Variants in LRP1B observed in about 807,000 individuals in gnomAD.
LRP1B encodes low-density lipoprotein receptor-related protein 1B.
A neutral mutation model predicts 556.6 loss-of-function variants in LRP1B; 217 were observed. That is an observed-to-expected ratio of 0.39 (90% CI 0.35 to 0.44). The LOEUF (loss-of-function observed/expected upper bound fraction) is 0.44. Among genes scored for constraint, LRP1B ranks in the 20% least tolerant of loss-of-function variants. The probability of loss-of-function intolerance (pLI) is 1.00; values close to 1 mark genes in which losing one functional copy is unlikely to be tolerated. For missense variants in LRP1B, 5,053 were observed against 5,620.8 expected (o/e 0.90, Z 3.23); for synonymous variants, 2,047 against 1,865.8 (o/e 1.10, Z -2.50).
intron 3 of LRP1B, among the ~76,000 whole-genome samples, chr2:141,422,813 T>C (rs1216227053): frequency 6.6e-6 from 1 of 152,206 alleles, no homozygotes; most frequent in African/African-American, 2.4e-5. Flanking sequence ...TATTTTTCTA[T>C]CTTTCAAGGG....
At chr2:141,914,850 T>C (rs1160225315) in intron 1 of LRP1B, among the ~76,000 whole-genome samples, 1 of 152,104 alleles carries the variant, frequency 6.6e-6, no homozygotes, top group Admixed American at 6.6e-5. Flanking sequence ...AAATCATAGA[T>C]GACACGCAAA....
intron 2 of LRP1B, among the ~76,000 whole-genome samples, chr2:141,613,479 C>T (rs1423289571): frequency 1.6e-4 from 25 of 151,994 alleles, no homozygotes; most frequent in Admixed American, 7.2e-4. Context: ...ATAATTAATC[C>T]GTATGGATTT....
chr2:141,403,787 C>A (rs1337284528), intron 3 of LRP1B, among the ~76,000 whole-genome samples: 3 of 152,074 alleles, frequency 2.0e-5, no homozygotes, highest in African/African-American at 7.2e-5. Flanking sequence ...TCAGGTAATT[C>A]CAAGCTCATT....
intron 66 of LRP1B, among the ~76,000 whole-genome samples, chr2:140,403,758 G>A (rs1349133242): frequency 6.6e-6 from 1 of 152,130 alleles, no homozygotes; most frequent in Non-Finnish European, 1.5e-5. Context: ...AGATATTCAA[G>A]TACAAGGAGT....
intron 1 of LRP1B, among the ~76,000 whole-genome samples, chr2:141,949,635 G>A (rs541148586): frequency 6.6e-6 from 1 of 152,208 alleles, no homozygotes; most frequent in African/African-American, 2.4e-5. Flanking sequence ...TGACCCACCC[G>A]CCTTGGCCTC....
At position 140,232,449 on chromosome 2, in the gene LRP1B, C is replaced by A. The variant is rs1035266429; in HGVS notation, c.*737G>T. The A allele has an allele frequency of 1.3e-5, 2 of 151,672 alleles. No homozygotes were observed. The highest frequency in any genetic ancestry group is 4.8e-5 in the African/African-American group (2 of 41,394). 9.4% of individuals were successfully genotyped at this position (151,672 alleles called of 1,614,324 possible). A position where few individuals can be genotyped will look rare whatever the true frequency, so the allele number is the denominator to read the frequency against. On this transcript the variant is annotated 3_prime_UTR_variant, in exon 91 of 91. Transcript: ENST00000389484. ...GGTCTTATTCCATAGCAAGTGCAGT[C>A]GGCCAACTTTCGGTTATATTTTTGC...
intron 1 of LRP1B, among the ~76,000 whole-genome samples, chr2:142,022,827 C>A (rs114077923): frequency 6.6e-6 from 1 of 152,070 alleles, no homozygotes; most frequent in Non-Finnish European, 1.5e-5. Context: ...CGTGCCATCA[C>A]GCCCGGCTAA....
At chr2:142,014,050 A>T (rs887311771) in intron 1 of LRP1B, among the ~76,000 whole-genome samples, 7 of 152,170 alleles carry the variant, frequency 4.6e-5, no homozygotes, top group Non-Finnish European at 1.0e-4. Context: ...CCTTTATCAC[A>T]AACCCTTGCA....
At chr2:141,452,777 G>C (rs866606280) in intron 3 of LRP1B, among the ~76,000 whole-genome samples, 5 of 152,144 alleles carry the variant, frequency 3.3e-5, no homozygotes, top group African/African-American at 1.2e-4. Flanking sequence ...ACACTTGTTG[G>C]TTCTCCCAGG....
chr2:142,027,573 G>A (rs576725374), intron 1 of LRP1B, among the ~76,000 whole-genome samples: 7 of 151,544 alleles, frequency 4.6e-5, no homozygotes, highest in African/African-American at 1.7e-4. Flanking sequence ...TATGTGCCAG[G>A]CCCTGTTCTA....
chr2:140,888,273 G>C (rs1380715288), intron 23 of LRP1B, among the ~76,000 whole-genome samples: 1 of 151,950 alleles, frequency 6.6e-6, no homozygotes, highest in Non-Finnish European at 1.5e-5. Flanking sequence ...ATTTGAGTTA[G>C]TTGAATAGAG....
chr2:140,903,777 A>G (rs969751218), intron 22 of LRP1B, among the ~76,000 whole-genome samples: 1 of 151,718 alleles, frequency 6.6e-6, no homozygotes, highest in African/African-American at 2.4e-5. Context: ...GATTCATTCA[A>G]TGACGCCATG....
At chr2:141,469,968 T>C (rs544157976) in intron 3 of LRP1B, among the ~76,000 whole-genome samples, 8 of 152,312 alleles carry the variant, frequency 5.3e-5, no homozygotes, top group South Asian at 2.1e-4. Flanking sequence ...TTTATGATTA[T>C]TGATGTTAAT....
chr2:141,968,835 A>G (rs1332244879), intron 1 of LRP1B, among the ~76,000 whole-genome samples: 3 of 151,814 alleles, frequency 2.0e-5, no homozygotes, highest in Non-Finnish European at 2.9e-5. Flanking sequence ...CTGTTTAAAC[A>G]TCTTCCAGAT....
chr2:141,903,173 C>T (rs1352300074), intron 1 of LRP1B, among the ~76,000 whole-genome samples: 1 of 151,406 alleles, frequency 6.6e-6, no homozygotes, highest in Non-Finnish European at 1.5e-5. Context: ...TTTAATGATA[C>T]ATTTTAAAGT....
chr2:141,170,724 A>G (rs1449270570), intron 7 of LRP1B, among the ~76,000 whole-genome samples: 1 of 152,080 alleles, frequency 6.6e-6, no homozygotes, highest in Non-Finnish European at 1.5e-5. Flanking sequence ...TTAAAGAGTT[A>G]AGATTACTTT....
intron 7 of LRP1B, among the ~76,000 whole-genome samples, chr2:141,097,245 T>C (rs1414563027): frequency 6.6e-6 from 1 of 152,198 alleles, no homozygotes; most frequent in African/African-American, 2.4e-5. Context: ...TTATGCTCAC[T>C]CAGAAGACTA....
chr2:140,403,121 A>T (rs1473995215), intron 66 of LRP1B, among the ~76,000 whole-genome samples: 1 of 152,212 alleles, frequency 6.6e-6, no homozygotes, highest in African/African-American at 2.4e-5. Context: ...GAGAAAAGAA[A>T]GAAAAAAAAT....
At chr2:141,979,773 G>A (rs560994221) in intron 1 of LRP1B, among the ~76,000 whole-genome samples, 6 of 152,156 alleles carry the variant, frequency 3.9e-5, no homozygotes, top group Admixed American at 3.9e-4. Context: ...TAATGCAATA[G>A]TTCAGACACT....
Sources: gnomAD v4.1 joint callset for allele counts (sites outside exome capture counted in the v4.1 genomes callset) on GRCh38, gnomAD v4.1.1 for gene constraint, MANE v1.5 for transcripts, NCBI Gene and HGNC (gene_info 2026-07-23, HGNC 2026-07-21) for gene names.